The following GALNT17 variants were observed in gnomAD, a reference collection of about 807,000 sequenced individuals.
GALNT17 encodes UDP-GalNAc:polypeptide N-acetylgalactosaminyltransferase-like 3.
A neutral mutation model predicts 63.7 loss-of-function variants in GALNT17; 29 were observed. The observed-to-expected ratio is 0.46, with a 90% CI of 0.34 to 0.62. The LOEUF (loss-of-function observed/expected upper bound fraction) is 0.62. Ranked by LOEUF, GALNT17 falls within the 20% of genes least tolerant of loss-of-function variation. The probability of loss-of-function intolerance (pLI) is 0.01; values close to 1 mark genes in which losing one functional copy is unlikely to be tolerated. For synonymous variants in GALNT17, 305 were observed against 318.3 expected (o/e 0.96, Z 0.45); for missense variants, 603 against 799.6 (o/e 0.75, Z 2.97).
At chr7:71,670,299 G>T (rs902717319) in intron 8 of GALNT17, among the ~76,000 whole-genome samples, 190 bp downstream of exon 8, 3 of 152,126 alleles carry the variant, frequency 2.0e-5, no homozygotes, top group Non-Finnish European at 1.5e-5. Context: ...TGTTACAATG[G>T]ACTATGGATA....
intron 6 of GALNT17, among the ~76,000 whole-genome samples, chr7:71,645,501 G>A (rs916599955): frequency 6.6e-6 from 1 of 152,086 alleles, no homozygotes. Context: ...TAAGTTTCCT[G>A]AGGCTTCCCC....
intron 5 of GALNT17, 26 bp downstream of exon 5, chr7:71,421,131 C>T (rs1432143697): frequency 1.2e-6 from 2 of 1,612,020 alleles, no homozygotes; most frequent in African/African-American, 1.3e-5. Context: ...GCCCTGGCGG[C>T]CAACGAGCCC....
chr7:71,503,366 G>A (rs900751226), intron 5 of GALNT17, among the ~76,000 whole-genome samples: 4 of 152,008 alleles, frequency 2.6e-5, no homozygotes, highest in African/African-American at 9.7e-5. Context: ...TCAGCCTCCC[G>A]AGTAGCTGGG....
intron 1 of GALNT17, among the ~76,000 whole-genome samples, chr7:71,235,297 G>A (rs762457309): frequency 1.3e-5 from 2 of 151,896 alleles, no homozygotes; most frequent in East Asian, 1.9e-4. Context: ...GGTGTTGCCC[G>A]TGGTTGAGAA....
At chr7:71,270,558 A>G (rs1790568498) in intron 1 of GALNT17, among the ~76,000 whole-genome samples, 1 of 150,766 alleles carries the variant, frequency 6.6e-6, no homozygotes, top group Non-Finnish European at 1.5e-5. Context: ...AAAAAAAAAA[A>G]AAAGAAACGA....
chr7:71,425,327 ATTC>A (rs577125433), intron 5 of GALNT17, among the ~76,000 whole-genome samples: 207 of 152,134 alleles, frequency 1.4e-3, no homozygotes, highest in African/African-American at 4.7e-3. Context: ...GGTTCGAGCA[ATTC>A]TTCTGCTTCA....
chr7:71,535,508 G>A (rs971768069), intron 5 of GALNT17, among the ~76,000 whole-genome samples: 1 of 152,088 alleles, frequency 6.6e-6, no homozygotes, highest in Non-Finnish European at 1.5e-5. Flanking sequence ...GAATAAAATC[G>A]AGTACATTTC....
chr7:71,267,809 C>A (rs1790517976), intron 1 of GALNT17, among the ~76,000 whole-genome samples: 1 of 152,032 alleles, frequency 6.6e-6, no homozygotes, highest in African/African-American at 2.4e-5. Flanking sequence ...GGTATTCAGC[C>A]CAGCATGCAT....
intron 5 of GALNT17, among the ~76,000 whole-genome samples, chr7:71,525,344 G>A (rs561896185): frequency 2.6e-4 from 39 of 151,986 alleles, no homozygotes; most frequent in African/African-American, 8.4e-4. Flanking sequence ...CACCATGCCC[G>A]GCTAATTTTT....
intron 2 of GALNT17, among the ~76,000 whole-genome samples, 191 bp from the exon 3 acceptor site, chr7:71,388,044 G>A (rs1190287198): frequency 6.6e-6 from 1 of 152,062 alleles, no homozygotes. Flanking sequence ...AAGTGGGGCT[G>A]CATCTGTTAA....
chr7:71,276,769 G>A lies in GALNT17; in HGVS notation c.239-58781G>A, dbSNP rs192191003. On this transcript the variant is annotated intron_variant, in intron 1 of 10. Coordinates refer to ENST00000333538, the MANE Select transcript of GALNT17 (RefSeq NM_022479.3). ...TCCCAGCACTTTGGGAGGCCGAGGC[G>A]GGTAGATCATTTGAGGTCAGGAGTT... is the stretch of plus-strand genomic sequence containing the variant. Among the ~76,000 whole-genome samples the A allele has an allele frequency of 1.0e-3, 152 of 152,160 alleles. 1 individual carries two copies. The highest frequency in any genetic ancestry group is 1.6e-3 in the Non-Finnish European group (106 of 68,012).
chr7:71,180,136 T>C (rs1411027800), intron 1 of GALNT17, among the ~76,000 whole-genome samples: 2 of 143,658 alleles, frequency 1.4e-5, no homozygotes, highest in African/African-American at 3.0e-5. Context: ...TTTTCTTACT[T>C]TTTTTTTGAG....
chr7:71,368,569 C>A (rs1215013165), intron 2 of GALNT17, among the ~76,000 whole-genome samples: 1 of 152,138 alleles, frequency 6.6e-6, no homozygotes, highest in Non-Finnish European at 1.5e-5. Flanking sequence ...GCTCCCAGAG[C>A]AGGATGAACA....
At chr7:71,456,200 C>G (rs575178843) in intron 5 of GALNT17, among the ~76,000 whole-genome samples, 55 of 151,666 alleles carry the variant, frequency 3.6e-4, no homozygotes, top group Non-Finnish European at 6.5e-4. Context: ...GAGGCGAGAT[C>G]GCACCACTGC....
At chr7:71,377,623 C>T (rs1404982326) in intron 2 of GALNT17, among the ~76,000 whole-genome samples, 1 of 152,162 alleles carries the variant, frequency 6.6e-6, no homozygotes. Context: ...TCCATGCACC[C>T]ACAATGATAT....
chr7:71,600,442 A>G (rs1789950027), intron 6 of GALNT17, among the ~76,000 whole-genome samples: 1 of 151,954 alleles, frequency 6.6e-6, no homozygotes, highest in Non-Finnish European at 1.5e-5. Flanking sequence ...AAAACCAGAG[A>G]CTCATGGTCA....
chr7:71,673,017 C>T (rs509834), intron 8 of GALNT17, among the ~76,000 whole-genome samples: 103,925 of 151,910 alleles, frequency 0.68, 40,853 homozygotes, highest in Non-Finnish European at 0.89. Context: ...TCCCCCTATC[C>T]GCAAATGAAC....
intron 3 of GALNT17, among the ~76,000 whole-genome samples, chr7:71,408,180 AAGG>A (rs545431744): frequency 1.5e-3 from 225 of 152,232 alleles, no homozygotes; most frequent in Non-Finnish European, 2.8e-3. Flanking sequence ...GATACCGAGA[AAGG>A]AGCCTCGGAA....
intron 5 of GALNT17, among the ~76,000 whole-genome samples, chr7:71,537,721 G>T (rs1014181843): frequency 9.2e-5 from 14 of 152,124 alleles, no homozygotes; most frequent in African/African-American, 3.1e-4. Context: ...GCTGAGGCAG[G>T]AGAATCACTT....
Sources: allele counts gnomAD v4.1 joint callset (sites outside exome capture counted in the v4.1 genomes callset), GRCh38; gene constraint gnomAD v4.1.1; transcripts MANE v1.5; gene names NCBI Gene and HGNC (gene_info 2026-07-23, HGNC 2026-07-21).